Variants in ABCG8 observed in about 807,000 individuals in gnomAD.
The protein encoded by ABCG8 is ATP-binding cassette sub-family G member 8.
Under a neutral mutation model 71.3 loss-of-function variants are expected in ABCG8, and 81 were observed. The observed-to-expected ratio is 1.14, with a 90% confidence interval of 0.95 to 1.37. The LOEUF is 1.37. Ranked by LOEUF, ABCG8 falls within the 40% of genes most tolerant of loss-of-function variation. The pLI is 0.00. For synonymous variants in ABCG8, 451 were observed against 354.7 expected (o/e 1.27, Z -3.05); for missense variants, 1,119 against 866.2 (o/e 1.29, Z -3.66).
intron 6 of ABCG8, among the ~76,000 whole-genome samples, chr2:43,855,593 T>G (rs1169919787): frequency 6.6e-6 from 1 of 152,182 alleles, no homozygotes; most frequent in Non-Finnish European, 1.5e-5. Flanking sequence ...TCACTATCTA[T>G]CTAGATAGAA....
In ABCG8 at chr2:43,878,100, AG is replaced by A. The variant is rs1443921776; in HGVS notation, c.*190del. On this transcript the variant is annotated 3_prime_UTR_variant, in exon 13 of 13. Coordinates refer to ENST00000272286, the MANE Select transcript of ABCG8 (RefSeq NM_022437.3). Reference sequence around the variant, plus strand: ...TGGCAGTAGAATAAAGACAGTCGAAAGGGATTTCTGCTCACTGGCAGGAGAC... The same window carrying A: ...TGGCAGTAGAATAAAGACAGTCGAAAGGATTTCTGCTCACTGGCAGGAGAC... The A allele has an allele frequency of 7.3e-6, 6 of 819,198 alleles. No individual in the cohort carries two copies. Among genetic ancestry groups the A allele is most frequent in the Non-Finnish European group, 1.2e-5 (6 of 510,936 alleles). The allele number at this position is 819,198 out of a possible 1,614,324, so 50.7% of individuals were successfully genotyped here.
In ABCG8 at chr2:43,874,414, A is replaced by T; in HGVS notation, c.1419A>T (p.Ser473=). The change falls in exon 10 of 13, where the codon TCA becomes TCT. Residue 473 remains serine, a synonymous_variant. Transcript: ENST00000272286. ...CTTTCCCTTACTTTTTAGGTTACTCAGAGAGGGCAATGCTTTACTATGAAC... is the reference window on the plus strand; with the variant it reads ...CTTTCCCTTACTTTTTAGGTTACTCTGAGAGGGCAATGCTTTACTATGAAC... ...VILDVISKCY[S]ERAMLYYELE... is the part of the protein sequence containing the mutation. 6.2e-7 allele frequency: 1 copy of T among 1,611,232 alleles called. No homozygotes were observed. The highest frequency in any genetic ancestry group is 8.5e-7 in the Non-Finnish European group (1 of 1,177,468).
In ABCG8 at chr2:43,877,672, C is replaced by T. The variant is rs769972832; in HGVS notation, c.1868C>T (p.Ala623Val). 5 of 1,614,102 alleles carry T rather than the reference C, an allele frequency of 3.1e-6. No individual in the cohort carries two copies. In the African/African-American group the frequency reaches 5.3e-5, roughly 17 times the overall value. ...YKMPLGNLTIAVSGDKILSVM... is the reference protein window; with the variant it reads ...YKMPLGNLTIVVSGDKILSVM... ...ATGCCTCTCGGGAACCTCACCATCGCGGTCTCAGGAGATAAAGTAAGCGGG... is the reference window on the plus strand; with the variant it reads ...ATGCCTCTCGGGAACCTCACCATCGTGGTCTCAGGAGATAAAGTAAGCGGG... Residue 623 changes from alanine to valine, a missense_variant, in exon 12 of 13, where the codon GCG becomes GTG. Coordinates refer to ENST00000272286, the MANE Select transcript of ABCG8 (RefSeq NM_022437.3).
intron 6 of ABCG8, among the ~76,000 whole-genome samples, chr2:43,857,210 A>G (rs1299434971): frequency 2.9e-5 from 4 of 139,680 alleles, no homozygotes; most frequent in South Asian, 4.8e-4. Flanking sequence ...TCTCTGGATA[A>G]AACTCTTAAC....
chr2:43,850,782 G>A (rs1668888174), intron 3 of ABCG8, among the ~76,000 whole-genome samples: 1 of 152,002 alleles, frequency 6.6e-6, no homozygotes, highest in Admixed American at 6.6e-5. Flanking sequence ...GCATGGTAGC[G>A]CCTGTAATCC....
At chr2:43,866,085 G>A (rs1035609160) in intron 6 of ABCG8, among the ~76,000 whole-genome samples, 8 of 152,008 alleles carry the variant, frequency 5.3e-5, no homozygotes, top group Admixed American at 4.6e-4. Flanking sequence ...AGAAAAACAA[G>A]CAATGGGGAA....
Position 43,873,693 on chromosome 2 carries a change from G to A in ABCG8, c.1212-94G>A, listed in dbSNP as rs370931352. On this transcript the variant is annotated intron_variant, in intron 8 of 12. Transcript: ENST00000272286. ...GTATTACCATCCCCATTTTGCATAGGAGAAAAATGAGGCTTATGGAGACTG... is the reference window on the plus strand; with the variant it reads ...GTATTACCATCCCCATTTTGCATAGAAGAAAAATGAGGCTTATGGAGACTG... 7.7e-6 allele frequency: 10 copies of A among 1,294,170 alleles called. No homozygotes were observed. In the East Asian group the frequency reaches 2.3e-4, roughly 30 times the overall value. 80.2% of individuals were successfully genotyped at this position (1,294,170 alleles called of 1,614,324 possible).
At position 43,872,259 on chromosome 2, in the gene ABCG8, T is replaced by A. The variant is rs1161107578; in HGVS notation, c.1164T>A (p.Ser388Arg). ...CACTAGACACCAACTGCCTCCCGAG[T>A]CCTACGAAGATGCCTGGGGCGGTGC... ...VTPLDTNCLPSPTKMPGAVQQ... is the reference protein window; with the variant it reads ...VTPLDTNCLPRPTKMPGAVQQ... The change falls in exon 8 of 13, where the codon AGT (serine) becomes AGA (arginine). Residue 388 changes from serine (S) to arginine (R), a missense_variant. Ser to Arg is a moderately radical substitution (Grantham distance 110). Transcript: ENST00000272286. 1 of 1,613,752 alleles carries A rather than the reference T, an allele frequency of 6.2e-7. No individual in the cohort carries two copies. Among genetic ancestry groups the A allele is most frequent in the Non-Finnish European group, 8.5e-7 (1 of 1,180,016 alleles).
intron 6 of ABCG8, among the ~76,000 whole-genome samples, chr2:43,854,534 C>T (rs4076833): frequency 0.01 from 1,541 of 147,098 alleles, 32 homozygotes; most frequent in African/African-American, 0.034. Flanking sequence ...GGCTGAGGCA[C>T]GAGAATTGCT....
rs1194537754 is a variant in ABCG8, at chr2:43,881,180, T to A, written c.*3267T>A. On this transcript the variant is annotated 3_prime_UTR_variant, in exon 13 of 13. Transcript: ENST00000272286. Reference sequence around the variant, plus strand: ...TCTGCAATGGGTTTTGGTAACTCAGTGGCTCTGTATGCCGTGCTGAAGGGG... The same window carrying A: ...TCTGCAATGGGTTTTGGTAACTCAGAGGCTCTGTATGCCGTGCTGAAGGGG... 6.6e-6 allele frequency: 1 copy of A among 152,308 alleles called. No individual in the cohort carries two copies. Among genetic ancestry groups the A allele is most frequent in the Non-Finnish European group, 1.5e-5 (1 of 68,074 alleles). The allele number at this position is 152,308 out of a possible 1,614,324, so 9.4% of individuals were successfully genotyped here. A position where few individuals can be genotyped will look rare whatever the true frequency, so the allele number is the denominator to read the frequency against.
At chr2:43,855,491 T>TA (rs572962585) in intron 6 of ABCG8, among the ~76,000 whole-genome samples, 71 of 152,292 alleles carry the variant, frequency 4.7e-4, no homozygotes, top group Admixed American at 9.8e-4. Flanking sequence ...ACCATCTGGA[T>TA]AGAACTCCCA....
chr2:43,849,110 G>A (rs997167563), intron 3 of ABCG8, among the ~76,000 whole-genome samples: 1 of 150,962 alleles, frequency 6.6e-6, no homozygotes, highest in Non-Finnish European at 1.5e-5. Context: ...AATGCCAAAA[G>A]TGGTTTCCAA....
intron 1 of ABCG8, among the ~76,000 whole-genome samples, chr2:43,844,230 C>A (rs1302733834): frequency 1.3e-5 from 2 of 152,108 alleles, no homozygotes; most frequent in African/African-American, 2.4e-5. Flanking sequence ...AGCTGCTTGG[C>A]TTCAGGCTCC....
chr2:43,864,601 T>C (rs1192628189), intron 6 of ABCG8, among the ~76,000 whole-genome samples: 7 of 151,890 alleles, frequency 4.6e-5, no homozygotes, highest in African/African-American at 1.7e-4. Context: ...CATGGAACTC[T>C]CACTATCTGT....
At chr2:43,847,064 G>A (rs1358577900) in intron 3 of ABCG8, 1 of 152,614 alleles carries the variant, frequency 6.6e-6, no homozygotes, top group Non-Finnish European at 1.5e-5. Context: ...CAAATCCAAA[G>A]AAATTGAGGG....
chr2:43,874,600 G>C, intron 10 of ABCG8, 117 bp downstream of exon 10: 1 of 840,340 alleles, frequency 1.2e-6, no homozygotes, highest in South Asian at 1.3e-5. Flanking sequence ...GTCATGTGAA[G>C]TCACCGATGC....
chr2:43,866,282 C>T (rs374442499), intron 6 of ABCG8, among the ~76,000 whole-genome samples: 8 of 150,058 alleles, frequency 5.3e-5, no homozygotes, highest in African/African-American at 9.9e-5. Flanking sequence ...GACATAGGCA[C>T]GGGCAAGGAC....
chr2:43,868,276 T>C (rs1669606140), intron 6 of ABCG8, among the ~76,000 whole-genome samples: 1 of 152,018 alleles, frequency 6.6e-6, no homozygotes, highest in South Asian at 2.1e-4. Flanking sequence ...GATAAAACTC[T>C]CACTGTCTGT....
At position 43,882,795 on chromosome 2, in the gene ABCG8, AAC is replaced by A. The variant is rs1460428603; in HGVS notation, c.*4884_*4885del. 3.3e-5 allele frequency: 5 copies of A among 152,226 alleles called. No individual in the cohort carries two copies. Among genetic ancestry groups the A allele is most frequent in the African/African-American group, 9.6e-5 (4 of 41,456 alleles). The allele number at this position is 152,226 out of a possible 1,614,324, so 9.4% of individuals were successfully genotyped here. The stretch of plus-strand genomic sequence containing the variant: ...TGTGGTGTTAGCAGCTAATAATTAA[AAC>A]AACGTTTAAGCAGTGGGTTGAGATT... On this transcript the variant is annotated 3_prime_UTR_variant, in exon 13 of 13. Transcript: ENST00000272286.
Sources: allele counts gnomAD v4.1 joint callset (sites outside exome capture counted in the v4.1 genomes callset), GRCh38; gene constraint gnomAD v4.1.1; transcripts MANE v1.5; gene names NCBI Gene and HGNC (gene_info 2026-07-23, HGNC 2026-07-21).